Variants in RBMS3 observed in about 807,000 individuals in gnomAD.
RBMS3 encodes the protein RNA-binding motif, single-stranded-interacting protein 3.
In RBMS3, 27 loss-of-function variants were observed where a neutral mutation model predicts 66.8. The ratio of observed to expected loss-of-function variants is 0.40; its 90% CI spans 0.30 to 0.56. The LOEUF (loss-of-function observed/expected upper bound fraction) is 0.56. Ranked by LOEUF, RBMS3 falls within the 20% of genes least tolerant of loss-of-function variation. The pLI is 0.40. For missense variants in RBMS3, 513 were observed against 549.5 expected, an observed-to-expected ratio of 0.93 and a Z score of 0.66; for synonymous variants, 188 against 183.0, an observed-to-expected ratio of 1.03 and a Z score of -0.22.
intron 4 of RBMS3, among the ~76,000 whole-genome samples, 188 bp from the exon 5 acceptor site, chr3:29,739,532 A>G (rs540167409): frequency 6.6e-6 from 1 of 152,052 alleles, no homozygotes; most frequent in Non-Finnish European, 1.5e-5. Flanking sequence ...GCTTTCATTG[A>G]TCATTTTGTC....
At chr3:29,885,184 G>A (rs1369238085) in intron 8 of RBMS3, among the ~76,000 whole-genome samples, 1 of 151,774 alleles carries the variant, frequency 6.6e-6, no homozygotes, top group Non-Finnish European at 1.5e-5. Flanking sequence ...AACAATGTAT[G>A]ATATGAGACC....
chr3:29,319,363 ATTC>A (rs1448012394), intron 1 of RBMS3, among the ~76,000 whole-genome samples: 1 of 152,014 alleles, frequency 6.6e-6, no homozygotes, highest in Non-Finnish European at 1.5e-5. Context: ...AAGAGAATCT[ATTC>A]TTCTTTAACT....
chr3:29,540,040 A>T (rs2045701205), intron 3 of RBMS3, among the ~76,000 whole-genome samples: 1 of 152,198 alleles, frequency 6.6e-6, no homozygotes, highest in African/African-American at 2.4e-5. Context: ...GGTTTCATTC[A>T]CGGTAAAAAT....
At chr3:29,859,283 A>C (rs2059153590) in intron 6 of RBMS3, among the ~76,000 whole-genome samples, 1 of 152,138 alleles carries the variant, frequency 6.6e-6, no homozygotes, top group African/African-American at 2.4e-5. Flanking sequence ...TTTTAATTCT[A>C]ACCTGGCCCA....
chr3:29,557,525 G>A (rs1559466714), intron 3 of RBMS3, among the ~76,000 whole-genome samples: 1 of 152,168 alleles, frequency 6.6e-6, no homozygotes, highest in East Asian at 1.9e-4. Flanking sequence ...TGCTTGGAAC[G>A]AAGGATTTTA....
At chr3:29,628,974 T>A (rs2049174328) in intron 4 of RBMS3, among the ~76,000 whole-genome samples, 1 of 152,100 alleles carries the variant, frequency 6.6e-6, no homozygotes, top group Non-Finnish European at 1.5e-5. Context: ...ACAGCATTGC[T>A]TGGAAGGATG....
chr3:29,471,505 T>G (rs1202571701), intron 2 of RBMS3, among the ~76,000 whole-genome samples: 1 of 152,174 alleles, frequency 6.6e-6, no homozygotes, highest in Admixed American at 6.5e-5. Flanking sequence ...ATATATTTCA[T>G]TTTGTTGTTA....
intron 7 of RBMS3, among the ~76,000 whole-genome samples, chr3:29,878,123 C>A (rs2059652900): frequency 6.6e-6 from 1 of 152,018 alleles, no homozygotes; most frequent in South Asian, 2.1e-4. Flanking sequence ...CTGTAATGTG[C>A]AGTTCACAAT....
At chr3:29,742,369 A>G (rs1254634028) in intron 5 of RBMS3, among the ~76,000 whole-genome samples, 6 of 152,154 alleles carry the variant, frequency 3.9e-5, no homozygotes, top group Non-Finnish European at 5.9e-5. Flanking sequence ...GGTCCTGCTT[A>G]CAATCCTTCA....
intron 3 of RBMS3, among the ~76,000 whole-genome samples, chr3:29,577,135 G>A (rs796532170): frequency 2.6e-5 from 4 of 152,284 alleles, no homozygotes; most frequent in African/African-American, 9.6e-5. Context: ...ATCCTTCCAG[G>A]ACTAGGTCCT....
rs182326644 is a variant in RBMS3 at position 29,334,627 on chromosome 3, A to G, written c.75+52871A>G. The stretch of plus-strand genomic sequence containing the variant: ...ACTAAATGAGGCTTATGGATGATTT[A>G]TTCTAATTAGATATAAGGTAAATAA... On this transcript the variant is annotated intron_variant, in intron 1 of 14. Coordinates refer to ENST00000383767, the MANE Select transcript of RBMS3 (RefSeq NM_001003793.3). Among the ~76,000 whole-genome samples the G allele has an allele frequency of 1.7e-3, 253 of 152,312 alleles. 1 individual carries two copies. Among genetic ancestry groups the G allele is most frequent in the African/African-American group, 5.8e-3 (242 of 41,570 alleles).
chr3:29,888,853 C>G (rs529346056), intron 8 of RBMS3, among the ~76,000 whole-genome samples: 116 of 151,808 alleles, frequency 7.6e-4, no homozygotes, highest in African/African-American at 2.8e-3. Context: ...CAATCTGTAT[C>G]CGATGTATAT....
rs796886618 is a variant in RBMS3, at chr3:29,667,164, A to G, written c.400-72556A>G. On this transcript the variant is annotated intron_variant, in intron 4 of 14. Transcript: ENST00000383767. ...AGATAACAAATGGAAAATATTGGTG[A>G]TAATTGGACAAGCTATGGCAATCTG... Among the ~76,000 whole-genome samples, 10 of 152,344 alleles carry G rather than the reference A, an allele frequency of 6.6e-5. 1 individual carries two copies. Among genetic ancestry groups the G allele is most frequent in the African/African-American group, 2.4e-4 (10 of 41,586 alleles).
intron 1 of RBMS3, among the ~76,000 whole-genome samples, chr3:29,366,334 G>C (rs2037901315): frequency 6.6e-6 from 1 of 152,122 alleles, no homozygotes; most frequent in Non-Finnish European, 1.5e-5. Context: ...ACTATAACAT[G>C]AACTTAGAAT....
intron 12 of RBMS3, among the ~76,000 whole-genome samples, chr3:29,950,780 GTTACCAGCC>G (rs1187055152): frequency 6.6e-6 from 1 of 151,766 alleles, no homozygotes; most frequent in African/African-American, 2.4e-5. Flanking sequence ...TTTAAACAAT[GTTACCAGCC>G]TTTTGAGATG....
chr3:29,346,396 C>CTTTTTT lies in RBMS3; in HGVS notation c.75+64660_75+64665dup, dbSNP rs34803214. Among the ~76,000 whole-genome samples the CTTTTTT allele has an allele frequency of 3.7e-3, 220 of 59,976 alleles. 1 individual carries two copies. The highest frequency in any genetic ancestry group is 5.5e-3 in the East Asian group (10 of 1,812). 39.3% of individuals were successfully genotyped at this position (59,976 alleles called of 152,430 possible). ...TGAATCCTAGTAAAGGCAATTCATT[C>CTTTTTT]TTTTTTTTTTTTTTTTTTTTTTTTT... is the stretch of plus-strand genomic sequence containing the variant. On this transcript the variant is annotated intron_variant, in intron 1 of 14. Transcript: ENST00000383767.
intron 14 of RBMS3, among the ~76,000 whole-genome samples, chr3:30,003,264 T>A (rs1264439905): frequency 1.3e-5 from 2 of 152,020 alleles, no homozygotes; most frequent in African/African-American, 2.4e-5. Context: ...ATGATATTTT[T>A]CTAGTTAAAC....
At chr3:29,784,998 T>A (rs933163119) in intron 6 of RBMS3, among the ~76,000 whole-genome samples, 8 of 151,688 alleles carry the variant, frequency 5.3e-5, no homozygotes, top group Admixed American at 3.9e-4. Flanking sequence ...ATAGAATCTC[T>A]GAACAAGCAG....
At chr3:29,850,376 A>G (rs1333386096) in intron 6 of RBMS3, among the ~76,000 whole-genome samples, 2 of 152,218 alleles carry the variant, frequency 1.3e-5, no homozygotes, top group Non-Finnish European at 2.9e-5. Flanking sequence ...ATAACCTTCA[A>G]TATATTCAAT....
Sources: allele counts gnomAD v4.1 joint callset (sites outside exome capture counted in the v4.1 genomes callset), GRCh38; gene constraint gnomAD v4.1.1; transcripts MANE v1.5; gene names NCBI Gene and HGNC (gene_info 2026-07-23, HGNC 2026-07-21).